ENTHD1: variants seen among roughly 807,000 people sequenced by gnomAD.
ENTHD1 encodes ENTH domain-containing protein 1.
Under a neutral mutation model 39.1 loss-of-function variants are expected in ENTHD1, and 23 were observed. That is an observed-to-expected ratio of 0.59 (90% CI 0.42 to 0.83). ENTHD1 has a LOEUF of 0.83. Ranked by LOEUF, ENTHD1 falls within the 40% of genes least tolerant of loss-of-function variation. The pLI is 0.00. For synonymous variants in ENTHD1, 230 were observed against 258.2 expected (o/e 0.89, Z 1.05); for missense variants, 624 against 705.4 (o/e 0.88, Z 1.31).
At chr22:39,880,126 G>A (rs1308904977) in intron 2 of ENTHD1, among the ~76,000 whole-genome samples, 1 of 152,170 alleles carries the variant, frequency 6.6e-6, no homozygotes, top group Non-Finnish European at 1.5e-5. Context: ...TACTCTGGAA[G>A]CTGATTCTCC....
At chr22:39,862,367 G>A (rs1383975713) in intron 2 of ENTHD1, among the ~76,000 whole-genome samples, 1 of 151,956 alleles carries the variant, frequency 6.6e-6, no homozygotes, top group East Asian at 1.9e-4. Context: ...GGCCAATATG[G>A]TGAAACCTTG....
At chr22:39,797,407 T>G (rs1203245504) in intron 5 of ENTHD1, among the ~76,000 whole-genome samples, 4 of 152,232 alleles carry the variant, frequency 2.6e-5, no homozygotes, top group Admixed American at 6.5e-5. Flanking sequence ...TTTTGTTAAT[T>G]GTTTTCTGGT....
chr22:39,852,042 A>T (rs535514201), intron 3 of ENTHD1, among the ~76,000 whole-genome samples: 28 of 152,182 alleles, frequency 1.8e-4, no homozygotes, highest in African/African-American at 5.3e-4. Context: ...TAGATTTTTT[A>T]AAAATGCTGT....
intron 5 of ENTHD1, among the ~76,000 whole-genome samples, chr22:39,780,632 A>G (rs1773033667): frequency 6.6e-6 from 1 of 152,208 alleles, no homozygotes. Context: ...AAAGACAGTC[A>G]CTATATAATG....
intron 5 of ENTHD1, among the ~76,000 whole-genome samples, chr22:39,774,567 C>T (rs1032880995): frequency 4.6e-5 from 7 of 152,140 alleles, no homozygotes; most frequent in Non-Finnish European, 1.5e-5. Flanking sequence ...GAGGTCTCTC[C>T]AGCTTACCCC....
intron 5 of ENTHD1, among the ~76,000 whole-genome samples, chr22:39,806,749 G>A (rs904767332): frequency 6.6e-6 from 1 of 152,116 alleles, no homozygotes; most frequent in Non-Finnish European, 1.5e-5. Context: ...TGTCTTCAGA[G>A]CCCAGAGGAG....
chr22:39,814,470 A>G (rs1025220756), intron 5 of ENTHD1, among the ~76,000 whole-genome samples: 6 of 152,174 alleles, frequency 3.9e-5, no homozygotes, highest in Admixed American at 2.6e-4. Context: ...AGGGAAAAAA[A>G]AAGAAAGCCA....
chr22:39,849,306 G>A (rs1312353596), intron 3 of ENTHD1, among the ~76,000 whole-genome samples: 2 of 152,170 alleles, frequency 1.3e-5, no homozygotes, highest in East Asian at 1.9e-4. Context: ...GCCCCCAGGG[G>A]ACATTTGGCA....
intron 5 of ENTHD1, among the ~76,000 whole-genome samples, chr22:39,781,257 T>G (rs1316954527): frequency 2.0e-5 from 3 of 152,112 alleles, no homozygotes. Flanking sequence ...CATATCTTAG[T>G]CCACAAAATG....
intron 3 of ENTHD1, among the ~76,000 whole-genome samples, chr22:39,852,678 T>C (rs568501729): frequency 3.6e-4 from 55 of 152,292 alleles, no homozygotes; most frequent in African/African-American, 1.2e-3. Context: ...TAGGCAATTG[T>C]AACACAAGGA....
intron 5 of ENTHD1, among the ~76,000 whole-genome samples, chr22:39,767,115 G>A (rs1326591818): frequency 2.6e-5 from 4 of 152,160 alleles, no homozygotes; most frequent in African/African-American, 9.7e-5. Flanking sequence ...GCACCTAACA[G>A]TGCCATTCCC....
intron 3 of ENTHD1, among the ~76,000 whole-genome samples, chr22:39,850,123 C>T (rs948252348): frequency 6.6e-6 from 1 of 151,800 alleles, no homozygotes; most frequent in African/African-American, 2.4e-5. Flanking sequence ...TTATAAAATC[C>T]ATATTAAAAA....
At chr22:39,879,893 T>C (rs2066323962) in intron 2 of ENTHD1, among the ~76,000 whole-genome samples, 1 of 152,168 alleles carries the variant, frequency 6.6e-6, no homozygotes, top group South Asian at 2.1e-4. Flanking sequence ...ATGGATAAAT[T>C]TACTGTGATT....
At chr22:39,752,414 G>T (rs2065154478) in intron 6 of ENTHD1, among the ~76,000 whole-genome samples, 1 of 152,124 alleles carries the variant, frequency 6.6e-6, no homozygotes, top group South Asian at 2.1e-4. Context: ...AAAGAAGAAT[G>T]GGGAGTGACT....
intron 5 of ENTHD1, among the ~76,000 whole-genome samples, chr22:39,775,878 T>G (rs1348430874): frequency 6.6e-6 from 1 of 152,138 alleles, no homozygotes; most frequent in Admixed American, 6.5e-5. Context: ...GATGGAGAAC[T>G]GCAATGAATA....
chr22:39,871,047 G>C (rs573441772), intron 2 of ENTHD1, among the ~76,000 whole-genome samples: 1 of 151,978 alleles, frequency 6.6e-6, no homozygotes, highest in African/African-American at 2.4e-5. Flanking sequence ...AGCTAGTCAT[G>C]GTGGCAAACA....
chr22:39,748,198 G>A (rs948415640), intron 6 of ENTHD1, among the ~76,000 whole-genome samples: 8 of 150,662 alleles, frequency 5.3e-5, no homozygotes, highest in African/African-American at 2.0e-4. Flanking sequence ...GCAGTGAGCC[G>A]TGGTCATGCC....
intron 3 of ENTHD1, among the ~76,000 whole-genome samples, chr22:39,851,950 A>AT (rs1275501021): frequency 2.0e-5 from 3 of 152,076 alleles, no homozygotes; most frequent in Non-Finnish European, 4.4e-5. Flanking sequence ...GACCTTTAAT[A>AT]TTTTTTACTA....
rs753933796 is a variant in ENTHD1, at chr22:39,814,396, G to A, written c.832+6597C>T. ...AATCACCTGAGCCCAGGAAGTTGAG[G>A]CTGCAGTGAACCGCAATTGTGCCAC... On this transcript the variant is annotated intron_variant, in intron 5 of 6. Transcript: ENST00000325157. Among the ~76,000 whole-genome samples, 30 of 152,102 alleles carry A rather than the reference G, an allele frequency of 2.0e-4. 2 individuals are homozygous for A. The highest frequency in any genetic ancestry group is 5.9e-5 in the Non-Finnish European group (4 of 68,030).
Sources: gnomAD v4.1 joint callset for allele counts (sites outside exome capture counted in the v4.1 genomes callset) on GRCh38, gnomAD v4.1.1 for gene constraint, MANE v1.5 for transcripts, NCBI Gene and HGNC (gene_info 2026-07-23, HGNC 2026-07-21) for gene names.